The following SNX29 variants were observed in gnomAD, a reference collection of about 807,000 sequenced individuals.
SNX29 encodes the protein sorting nexin-29.
A neutral mutation model predicts 102.1 loss-of-function variants in SNX29; 78 were observed. The observed-to-expected ratio is 0.76, with a 90% CI of 0.64 to 0.92. The LOEUF (loss-of-function observed/expected upper bound fraction) is 0.92. Among genes scored for constraint, SNX29 ranks in the 40% least tolerant of loss-of-function variants. SNX29 has a pLI of 0.00. For missense variants in SNX29, 1,280 were observed against 1,061.7 expected (o/e 1.21, Z -2.86); for synonymous variants, 580 against 414.5 (o/e 1.40, Z -4.85).
chr16:12,191,355 A>C (rs545923212), intron 13 of SNX29, among the ~76,000 whole-genome samples: 2 of 152,188 alleles, frequency 1.3e-5, no homozygotes, highest in South Asian at 2.1e-4. Context: ...CTGGAGTTGC[A>C]CTGTCTGCTT....
chr16:12,493,624 C>T (rs2088661786), intron 19 of SNX29, among the ~76,000 whole-genome samples: 1 of 152,220 alleles, frequency 6.6e-6, no homozygotes, highest in South Asian at 2.1e-4. Flanking sequence ...GACAAGGTCT[C>T]ACTCTTGCCC....
At chr16:12,452,822 A>G (rs1008512426) in intron 18 of SNX29, among the ~76,000 whole-genome samples, 18 of 152,142 alleles carry the variant, frequency 1.2e-4, no homozygotes, top group African/African-American at 4.1e-4. Flanking sequence ...CTCCGACATG[A>G]GATCACAGGT....
At chr16:12,399,248 C>G (rs2083843563) in intron 17 of SNX29, among the ~76,000 whole-genome samples, 1 of 152,130 alleles carries the variant, frequency 6.6e-6, no homozygotes, top group African/African-American at 2.4e-5. Flanking sequence ...GATGGGGTTT[C>G]TTCCTGTTGA....
chr16:12,260,819 C>T (rs2078721571), intron 14 of SNX29, among the ~76,000 whole-genome samples: 1 of 149,348 alleles, frequency 6.7e-6, no homozygotes, highest in Non-Finnish European at 1.5e-5. Context: ...GTTTGCTGAG[C>T]TCAGATCTGT....
intron 18 of SNX29, among the ~76,000 whole-genome samples, chr16:12,436,664 A>T (rs1250769504): frequency 1.3e-5 from 2 of 151,914 alleles, no homozygotes; most frequent in African/African-American, 4.8e-5. Flanking sequence ...TGACCGGGGG[A>T]CTTTGGCTGT....
chr16:12,209,346 T>A (rs1429503185), intron 14 of SNX29, among the ~76,000 whole-genome samples: 4 of 152,192 alleles, frequency 2.6e-5, no homozygotes, highest in African/African-American at 9.7e-5. Flanking sequence ...TGTGCCACCA[T>A]GCCTGGCTCA....
chr16:12,227,301 C>G (rs976414896), intron 14 of SNX29, among the ~76,000 whole-genome samples: 18 of 152,324 alleles, frequency 1.2e-4, no homozygotes, highest in African/African-American at 3.4e-4. Context: ...CTTTTCCTCA[C>G]TTCTTCTCTT....
At chr16:12,503,078 C>T (rs117147010) in intron 19 of SNX29, among the ~76,000 whole-genome samples, 3,571 of 152,286 alleles carry the variant, frequency 0.023, 59 homozygotes, top group Middle Eastern at 0.078. Flanking sequence ...GGCTTCATTA[C>T]AGCCACAGGG....
At chr16:12,266,376 T>G (rs142906788) in intron 14 of SNX29, among the ~76,000 whole-genome samples, 19 of 152,248 alleles carry the variant, frequency 1.2e-4, no homozygotes, top group African/African-American at 4.1e-4. Flanking sequence ...GGTAAGGGCT[T>G]AGTGCCCCAG....
chr16:12,338,508 C>T (rs947306044), intron 15 of SNX29, among the ~76,000 whole-genome samples: 5 of 152,186 alleles, frequency 3.3e-5, no homozygotes, highest in African/African-American at 1.2e-4. Context: ...CAAGGGGTGT[C>T]ACGTTCTCCT....
At chr16:12,203,586 G>C (rs1331335892) in intron 14 of SNX29, among the ~76,000 whole-genome samples, 1 of 152,128 alleles carries the variant, frequency 6.6e-6, no homozygotes, top group Non-Finnish European at 1.5e-5. Flanking sequence ...TGGCCTTGCT[G>C]TCAGGTGGAC....
At chr16:12,425,804 T>A (rs947885742) in intron 18 of SNX29, among the ~76,000 whole-genome samples, 10 of 152,058 alleles carry the variant, frequency 6.6e-5, no homozygotes, top group African/African-American at 2.4e-4. Context: ...ATTGTGAGCA[T>A]CTTGTGCTGA....
intron 11 of SNX29, among the ~76,000 whole-genome samples, chr16:12,111,923 C>G (rs957138495): frequency 6.6e-6 from 1 of 152,162 alleles, no homozygotes; most frequent in Admixed American, 6.5e-5. Context: ...CTAGGAAGCA[C>G]TCACTGCATA....
chr16:12,537,979 C>T lies in SNX29; in HGVS notation c.2318+13138C>T, dbSNP rs113534251. Among the ~76,000 whole-genome samples the T allele has an allele frequency of 5.3e-3, 501 of 94,482 alleles. 4 individuals carry two copies. The highest frequency in any genetic ancestry group is 0.02 in the Middle Eastern group (5 of 252). The allele number at this position is 94,482 out of a possible 152,430, so 62.0% of individuals were successfully genotyped here. A position where few individuals can be genotyped will look rare whatever the true frequency, so the allele number is the denominator to read the frequency against. ...CAGCCTGGGCAATAGAGCAAAACTC[C>T]GTTTCAAAAAAAAAAAAAAAAAAAT... is the stretch of plus-strand genomic sequence containing the variant. On this transcript the variant is annotated intron_variant, in intron 20 of 20. Coordinates refer to ENST00000566228, the MANE Select transcript of SNX29 (RefSeq NM_032167.5).
At chr16:12,080,971 C>T (rs768823866) in intron 11 of SNX29, among the ~76,000 whole-genome samples, 2 of 152,162 alleles carry the variant, frequency 1.3e-5, no homozygotes, top group Non-Finnish European at 1.5e-5. Flanking sequence ...TGTGAGCCAC[C>T]GTGCCCAGAC....
chr16:12,515,354 G>T (rs186207820), intron 19 of SNX29, among the ~76,000 whole-genome samples: 158 of 152,310 alleles, frequency 1.0e-3, no homozygotes, highest in African/African-American at 3.6e-3. Context: ...GGCCCCCAAA[G>T]AATGCATGCT....
At chr16:12,483,758 C>G (rs971170136) in intron 19 of SNX29, among the ~76,000 whole-genome samples, 1 of 152,182 alleles carries the variant, frequency 6.6e-6, no homozygotes, top group Non-Finnish European at 1.5e-5. Context: ...CTGCTCATCA[C>G]AGTGCTGGGT....
chr16:12,338,943 C>T (rs985186284), intron 15 of SNX29, among the ~76,000 whole-genome samples: 22 of 152,206 alleles, frequency 1.4e-4, no homozygotes, highest in African/African-American at 5.3e-4. Flanking sequence ...TTAGAGTCCC[C>T]CAGATTAGGA....
At chr16:11,988,872 A>G (rs919075228) in intron 1 of SNX29, among the ~76,000 whole-genome samples, 2 of 152,220 alleles carry the variant, frequency 1.3e-5, no homozygotes, top group African/African-American at 2.4e-5. Context: ...TCAGGCTGCA[A>G]TGGCAGAATT....
Sources: allele counts gnomAD v4.1 joint callset (sites outside exome capture counted in the v4.1 genomes callset), GRCh38; gene constraint gnomAD v4.1.1; transcripts MANE v1.5; gene names NCBI Gene and HGNC (gene_info 2026-07-23, HGNC 2026-07-21).